Variants in TRAF7 observed in about 807,000 individuals in gnomAD.
The protein encoded by TRAF7 is TNF receptor associated factor 7.
A neutral mutation model predicts 89.3 loss-of-function variants in TRAF7; 45 were observed. The observed-to-expected ratio is 0.50, with a 90% CI of 0.40 to 0.65. The LOEUF (loss-of-function observed/expected upper bound fraction) is 0.65. TRAF7 is among the 30% of genes least tolerant of loss of function. TRAF7 has a pLI of 0.00. For synonymous variants in TRAF7, 406 were observed against 369.2 expected, an observed-to-expected ratio of 1.10 and a Z score of -1.14; for missense variants, 677 against 918.1, an observed-to-expected ratio of 0.74 and a Z score of 3.39.
At chr16:2,174,096 C>T (rs2141291444) in intron 13 of TRAF7, 48 bp downstream of exon 13, 3 of 1,608,246 alleles carry the variant, frequency 1.9e-6, no homozygotes, top group Non-Finnish European at 1.7e-6. Context: ...GGGCTGGGCA[C>T]TGCCACATGC....
chr16:2,176,672 C>T lies in TRAF7; in HGVS notation c.*98C>T, dbSNP rs1001657723. The T allele has an allele frequency of 4.6e-5, 72 of 1,574,560 alleles. No individual in the cohort carries two copies. The highest frequency in any genetic ancestry group is 3.4e-4 in the East Asian group (15 of 44,396). ...GTGGTCTCGGGGTTTCTGCCTGCCCCGTGGGCATAGGTGGACAGGCTCTGG... is the reference window on the plus strand; with the variant it reads ...GTGGTCTCGGGGTTTCTGCCTGCCCTGTGGGCATAGGTGGACAGGCTCTGG... On this transcript the variant is annotated 3_prime_UTR_variant, in exon 21 of 21. Transcript: ENST00000326181.
At chr16:2,171,910 G>A (rs980818784) in intron 7 of TRAF7, among the ~76,000 whole-genome samples, 1 of 152,156 alleles carries the variant, frequency 6.6e-6, no homozygotes, top group Non-Finnish European at 1.5e-5. Context: ...CGAGGCTGTC[G>A]TCCTCCCGCA....
intron 7 of TRAF7, among the ~76,000 whole-genome samples, chr16:2,171,975 A>G (rs1596676726): frequency 6.7e-6 from 1 of 150,090 alleles, no homozygotes; most frequent in Non-Finnish European, 1.5e-5. Context: ...TCTTGGCCCC[A>G]CCCCACACTT....
At position 2,171,622 on chromosome 16, in the gene TRAF7, G is replaced by T; in HGVS notation, c.475+17G>T. 1.2e-6 allele frequency: 2 copies of T among 1,613,154 alleles called. No individual in the cohort carries two copies. The highest frequency in any genetic ancestry group is 1.7e-6 in the Non-Finnish European group (2 of 1,179,886). On this transcript the variant is annotated intron_variant, in intron 7 of 20. Coordinates refer to ENST00000326181, the MANE Select transcript of TRAF7 (RefSeq NM_032271.3). ...TGAAGTCAGGTAGGTTTGTGCCCCG[G>T]CCCAGGCCTGACGCCGACCGTGCCC...
In TRAF7 at chr16:2,159,681, G is replaced by A. The variant is rs1318576539; in HGVS notation, c.-39+3823G>A. On this transcript the variant is annotated intron_variant, in intron 1 of 20. Transcript: ENST00000326181. This position sits in a 1 kb window ranked among gnomAD's most constrained non-coding sequence, Gnocchi z 6.5. ...CCACACACAGCCCTGTGGCAGGCGG[G>A]GCGGAGGCTTCTGGAGCCGTCCCAG... Among the ~76,000 whole-genome samples the A allele has an allele frequency of 6.6e-6, 1 of 152,204 alleles. No individual in the cohort carries two copies. Among genetic ancestry groups the A allele is most frequent in the African/African-American group, 2.4e-5 (1 of 41,448 alleles).
rs376580813 is a variant in TRAF7, at chr16:2,164,139, G to GGTGTGTGTGTGTGTGTGTGTGTGT, written c.81+159_81+160insTGTGTGTGTGTGTGTGTGTGTGTG. The GGTGTGTGTGTGTGTGTGTGTGTGT allele has an allele frequency of 3.3e-5, 18 of 544,378 alleles. 1 individual carries two copies. Among genetic ancestry groups the GGTGTGTGTGTGTGTGTGTGTGTGT allele is most frequent in the Non-Finnish European group, 3.5e-5 (11 of 318,266 alleles). The allele number at this position is 544,378 out of a possible 1,614,324, so 33.7% of individuals were successfully genotyped here. ...AGGGGAGCTCGGTGGGGGGGGGTGT[G>GGTGTGTGTGTGTGTGTGTGTGTGT]GTGTGTGTGTGTGTGTGTGTGCGCG... On this transcript the variant is annotated intron_variant, in intron 2 of 20. Transcript: ENST00000326181.
At position 2,168,676 on chromosome 16, in the gene TRAF7, C is replaced by T. The variant is rs575978449; in HGVS notation, c.231+508C>T. 5.9e-5 allele frequency among the ~76,000 whole-genome samples: 9 copies of T among 152,068 alleles called. No homozygotes were observed. Among genetic ancestry groups the T allele is most frequent in the Admixed American group, 1.3e-4 (2 of 15,280 alleles). ...AACCTGCGCCAAGTGCTGGGGGAGC[C>T]GGAGAATTCCCTGTTGCTGGCTGTG... On this transcript the variant is annotated intron_variant, in intron 4 of 20. Coordinates refer to ENST00000326181, the MANE Select transcript of TRAF7 (RefSeq NM_032271.3). The surrounding 1 kb of genome is among the most constrained non-coding windows in gnomAD (Gnocchi z 4.1).
rs558646234 is a variant in TRAF7 at position 2,164,674 on chromosome 16, G to A, written c.81+673G>A. Among the ~76,000 whole-genome samples, 18 of 124,370 alleles carry A rather than the reference G, an allele frequency of 1.4e-4. No individual in the cohort carries two copies. In the East Asian group the frequency reaches 2.6e-3, roughly 18 times the overall value. 81.6% of individuals were successfully genotyped at this position (124,370 alleles called of 152,430 possible). A position where few individuals can be genotyped will look rare whatever the true frequency, so the allele number is the denominator to read the frequency against. On this transcript the variant is annotated intron_variant, in intron 2 of 20. Coordinates refer to ENST00000326181, the MANE Select transcript of TRAF7 (RefSeq NM_032271.3). ...GTTAAGCGTGTGAGTGCTGTGTGGC[G>A]CGGCCTGGTTGCATGGTTAAGCGTG...
rs1451253484 is a variant in TRAF7, at chr16:2,155,930, C to T, written c.-39+72C>T. On this transcript the variant is annotated intron_variant, in intron 1 of 20. Transcript: ENST00000326181. ...CCGCGCGGTGGGGCGGGATCGGGCG[C>T]GTGGAGATCGAGGCGAGGCGAGGCG... The T allele has an allele frequency of 1.1e-4, 13 of 122,410 alleles. No individual in the cohort carries two copies. The East Asian group carries it at 2.2e-3, about 20-fold the overall frequency. 7.6% of individuals were successfully genotyped at this position (122,410 alleles called of 1,614,324 possible).
intron 2 of TRAF7, among the ~76,000 whole-genome samples, 158 bp downstream of exon 2, chr16:2,164,159 T>TGTGTGTGTGTGTGTGTGC (rs879079517): frequency 7.9e-6 from 1 of 126,078 alleles, no homozygotes; most frequent in Admixed American, 7.6e-5. Context: ...TGTGTGTGTG[T>TGTGTGTGTGTGTGTGTGC]GCGCGCGCGC....
intron 16 of TRAF7, 35 bp from the exon 17 acceptor site, chr16:2,175,465 G>T (rs2093131678): frequency 6.2e-7 from 1 of 1,612,202 alleles, no homozygotes; most frequent in African/African-American, 1.3e-5. Flanking sequence ...GGCGTCCCTT[G>T]CCCGCCCAGC....
chr16:2,173,063 TG>T, intron 9 of TRAF7, 118 bp from the exon 10 acceptor site: 1 of 805,278 alleles, frequency 1.2e-6, no homozygotes, highest in Non-Finnish European at 1.9e-6. Context: ...CAGGTGTGGG[TG>T]GGGGCAGCTG....
intron 14 of TRAF7, 60 bp from the exon 15 acceptor site, chr16:2,175,051 G>A: frequency 6.2e-7 from 1 of 1,608,896 alleles, no homozygotes; most frequent in Non-Finnish European, 8.5e-7. Context: ...GGCCCTGCCA[G>A]GGCGGTGTCA....
At chr16:2,166,105 G>T (rs1316854676) in intron 3 of TRAF7, among the ~76,000 whole-genome samples, 169 bp downstream of exon 3, 4 of 152,206 alleles carry the variant, frequency 2.6e-5, no homozygotes, top group Non-Finnish European at 1.5e-5. Context: ...TCAGCCCTGG[G>T]CCTCCCCACT....
In TRAF7 at chr16:2,176,811, C is replaced by A. The variant is rs1408039354; in HGVS notation, c.*237C>A. On this transcript the variant is annotated 3_prime_UTR_variant, in exon 21 of 21. Coordinates refer to ENST00000326181, the MANE Select transcript of TRAF7 (RefSeq NM_032271.3). ...AGGTACGACGCTTGCCCCGGCCCAC[C>A]CTCCATCCCCACCCTCCATCCCCAC... is the stretch of plus-strand genomic sequence containing the variant. 11 of 622,646 alleles carry A rather than the reference C, an allele frequency of 1.8e-5. No homozygotes were observed. The highest frequency in any genetic ancestry group is 9.3e-5 in the South Asian group (5 of 53,532). 38.6% of individuals were successfully genotyped at this position (622,646 alleles called of 1,614,324 possible).
At chr16:2,175,765 C>G in intron 17 of TRAF7, 69 bp from the exon 18 acceptor site, 1 of 1,601,378 alleles carries the variant, frequency 6.2e-7, no homozygotes, top group South Asian at 1.1e-5. Context: ...GTGCTGAAGC[C>G]CTGGGGGTGC....
intron 17 of TRAF7, 48 bp from the exon 18 acceptor site, chr16:2,175,786 G>T (rs372038134): frequency 1.2e-6 from 2 of 1,607,106 alleles, no homozygotes; most frequent in Non-Finnish European, 1.7e-6. Flanking sequence ...GGGGGCCCTG[G>T]GGGTGAAGCA....
At chr16:2,172,981 G>C (rs1021213280) in intron 9 of TRAF7, among the ~76,000 whole-genome samples, 1 of 152,158 alleles carries the variant, frequency 6.6e-6, no homozygotes, top group Non-Finnish European at 1.5e-5. Context: ...AGAGCTCTGC[G>C]GGGGTGACGT....
chr16:2,172,564 G>A lies in TRAF7; in HGVS notation c.759G>A (p.Glu253=). 14 of 1,563,056 alleles carry A rather than the reference G, an allele frequency of 9.0e-6. No homozygotes were observed. Among genetic ancestry groups the A allele is most frequent in the Non-Finnish European group, 1.2e-5 (14 of 1,154,506 alleles). ...LRMNLEAHLK[E]CEHIKCPHSK... ...TGAACCTGGAGGCCCACCTCAAGGA[G>A]TGCGAGCACATCAAATGCCCCCACT... is the stretch of plus-strand genomic sequence containing the variant. Residue 253 remains glutamate, a synonymous_variant, in exon 9 of 21, where the codon GAG becomes GAA. Coordinates refer to ENST00000326181, the MANE Select transcript of TRAF7 (RefSeq NM_032271.3).
Sources: gnomAD v4.1 joint callset for allele counts (sites outside exome capture counted in the v4.1 genomes callset) on GRCh38, gnomAD v4.1.1 for gene constraint, Gnocchi (gnomAD v3.1) non-coding constraint, MANE v1.5 for transcripts, NCBI Gene and HGNC (gene_info 2026-07-23, HGNC 2026-07-21) for gene names.